The following CTBP2 variants were observed in gnomAD, a reference collection of about 807,000 sequenced individuals.
The protein encoded by CTBP2 is C-terminal-binding protein 2.
CTBP2 carries 30 observed loss-of-function variants against 80.3 expected under a neutral mutation model. That is an observed-to-expected ratio of 0.37 (90% CI 0.28 to 0.51). The LOEUF is 0.51. Ranked by LOEUF, CTBP2 falls within the 20% of genes least tolerant of loss-of-function variation. CTBP2 has a pLI of 0.93. For synonymous variants in CTBP2, 594 were observed against 587.4 expected (o/e 1.01, Z -0.16); for missense variants, 1,212 against 1,375.3 (o/e 0.88, Z 1.88).
At chr10:125,112,460 ACT>A (rs1216733712) in intron 1 of CTBP2, among the ~76,000 whole-genome samples, 1 of 122,432 alleles carries the variant, frequency 8.2e-6, no homozygotes, top group Admixed American at 9.7e-5. Flanking sequence ...ACGTAGTCTC[ACT>A]CTGTCACCCA....
intron 2 of CTBP2, among the ~76,000 whole-genome samples, chr10:125,062,180 C>T (rs1479853858): frequency 6.6e-6 from 1 of 152,140 alleles, no homozygotes; most frequent in Non-Finnish European, 1.5e-5. Flanking sequence ...ACGGGGTGAG[C>T]AGGGGACGAC....
At chr10:125,110,444 G>C (rs531284287) in intron 2 of CTBP2, among the ~76,000 whole-genome samples, 31 of 152,184 alleles carry the variant, frequency 2.0e-4, no homozygotes, top group African/African-American at 7.5e-4. Flanking sequence ...GCTCATCTCA[G>C]CCTGCACCCA....
At chr10:125,145,853 C>T (rs1858676377) in intron 1 of CTBP2, among the ~76,000 whole-genome samples, 1 of 152,134 alleles carries the variant, frequency 6.6e-6, no homozygotes, top group Admixed American at 6.5e-5. Context: ...GCTGAGATGC[C>T]CTTGCATTCC....
chr10:124,991,527 G>A (rs1026790773), intron 8 of CTBP2, among the ~76,000 whole-genome samples: 12 of 152,188 alleles, frequency 7.9e-5, no homozygotes, highest in African/African-American at 1.9e-4. Context: ...TGCAAGCACC[G>A]GCATAGCTTC....
chr10:125,083,861 A>G (rs565830561), intron 2 of CTBP2, among the ~76,000 whole-genome samples: 47 of 152,124 alleles, frequency 3.1e-4, no homozygotes, highest in African/African-American at 1.1e-3. Flanking sequence ...GCTCACTGCA[A>G]CCTCCGTTCC....
At chr10:124,994,768 G>A (rs898553511) in intron 4 of CTBP2, 85 bp from the exon 7 acceptor site, 82 of 1,372,150 alleles carry the variant, frequency 6.0e-5, no homozygotes, top group Middle Eastern at 1.9e-4. Context: ...AGCTGAGTCC[G>A]GGCTTGGCAT....
intron 2 of CTBP2, among the ~76,000 whole-genome samples, chr10:125,083,250 C>T (rs1847447914): frequency 1.3e-5 from 2 of 152,202 alleles, no homozygotes; most frequent in African/African-American, 4.8e-5. Flanking sequence ...ACATACTTTC[C>T]AAAGCTGGAA....
At chr10:125,149,065 C>A (rs1859337193) in intron 1 of CTBP2, among the ~76,000 whole-genome samples, 1 of 152,166 alleles carries the variant, frequency 6.6e-6, no homozygotes, top group South Asian at 2.1e-4. Context: ...GCTGGAGGAA[C>A]CTGGATGCCA....
intron 2 of CTBP2, among the ~76,000 whole-genome samples, chr10:125,039,989 G>A (rs77348043): frequency 0.021 from 3,178 of 152,276 alleles, 113 homozygotes; most frequent in African/African-American, 0.071. Flanking sequence ...CTGCGGCCTG[G>A]GGAAGAGGAG....
intron 2 of CTBP2, among the ~76,000 whole-genome samples, chr10:125,041,303 G>A (rs1212758732): frequency 9.2e-5 from 14 of 152,096 alleles, no homozygotes; most frequent in African/African-American, 3.4e-4. Flanking sequence ...GACTGGTCTC[G>A]AACTCCTGAA....
At chr10:125,064,295 T>G (rs1844297979) in intron 2 of CTBP2, among the ~76,000 whole-genome samples, 1 of 152,240 alleles carries the variant, frequency 6.6e-6, no homozygotes, top group Non-Finnish European at 1.5e-5. Flanking sequence ...ATTGATCTTT[T>G]TCTAATCTGA....
intron 2 of CTBP2, among the ~76,000 whole-genome samples, chr10:125,074,769 G>A (rs1000861477): frequency 2.6e-5 from 4 of 152,114 alleles, no homozygotes; most frequent in Non-Finnish European, 5.9e-5. Context: ...TAGTACTTCC[G>A]TTTCCTTGGC....
intron 1 of CTBP2, chr10:125,005,664 G>A: frequency 1.2e-6 from 2 of 1,612,890 alleles, no homozygotes; most frequent in South Asian, 1.1e-5. Flanking sequence ...GACACACATG[G>A]CTCCCACCTG....
At chr10:125,037,092 T>C (rs1276953029) in intron 3 of CTBP2, among the ~76,000 whole-genome samples, 3 of 152,236 alleles carry the variant, frequency 2.0e-5, no homozygotes, top group Admixed American at 6.5e-5. Flanking sequence ...CAAATGTATC[T>C]GGAACACCAT....
intron 1 of CTBP2, among the ~76,000 whole-genome samples, chr10:125,126,636 G>T (rs530409112): frequency 6.6e-6 from 1 of 152,226 alleles, no homozygotes; most frequent in Non-Finnish European, 1.5e-5. Context: ...AGATGTGCTC[G>T]CACCTCCCGG....
At chr10:124,990,847 G>C (rs1361451033) in intron 8 of CTBP2, among the ~76,000 whole-genome samples, 3 of 152,226 alleles carry the variant, frequency 2.0e-5, no homozygotes, top group Admixed American at 6.5e-5. Flanking sequence ...AGAAGCTGAC[G>C]GTCTGCTGCC....
chr10:125,070,922 G>A (rs1229109044), intron 2 of CTBP2, among the ~76,000 whole-genome samples: 5 of 152,204 alleles, frequency 3.3e-5, no homozygotes, highest in African/African-American at 4.8e-5. Flanking sequence ...GAGCCACCAT[G>A]CTTGGCCTAA....
At chr10:125,158,387 T>C (rs1387329757) in intron 1 of CTBP2, among the ~76,000 whole-genome samples, 1 of 152,202 alleles carries the variant, frequency 6.6e-6, no homozygotes, top group African/African-American at 2.4e-5. Context: ...AAAGAATCAC[T>C]TTGTAAACTT....
intron 3 of CTBP2, chr10:124,999,476 G>C (rs1011467199): frequency 9.2e-5 from 14 of 152,320 alleles, no homozygotes; most frequent in African/African-American, 3.4e-4. Flanking sequence ...CCACTTTCTA[G>C]ATGGCTGCGT....
Sources: gnomAD v4.1 joint callset for allele counts (sites outside exome capture counted in the v4.1 genomes callset) on GRCh38, gnomAD v4.1.1 for gene constraint, MANE v1.5 for transcripts, NCBI Gene and HGNC (gene_info 2026-07-23, HGNC 2026-07-21) for gene names.